The following SLC24A2 variants were observed in gnomAD, a reference collection of about 807,000 sequenced individuals.
The protein encoded by SLC24A2 is sodium/potassium/calcium exchanger 2.
SLC24A2 carries 36 observed loss-of-function variants against 62.0 expected under a neutral mutation model. That is an observed-to-expected ratio of 0.58 (90% CI 0.44 to 0.77). SLC24A2 has a LOEUF of 0.77. Among genes scored for constraint, SLC24A2 ranks in the 30% least tolerant of loss-of-function variants. SLC24A2 has a pLI of 0.00. For missense variants in SLC24A2, 846 were observed against 817.9 expected, an observed-to-expected ratio of 1.03 and a Z score of -0.42; for synonymous variants, 358 against 294.0, an observed-to-expected ratio of 1.22 and a Z score of -2.23.
chr9:20,040,549 G>A, the SLC24A2 span, among the ~76,000 whole-genome samples: 1 of 152,116 alleles, frequency 6.6e-6, no homozygotes, highest in African/African-American at 2.4e-5. Context: ...CCAAATGACC[G>A]AGGCAAAAAT....
At position 19,516,187 on chromosome 9, in the gene SLC24A2, T is replaced by A; in HGVS notation, c.1952A>T (p.Glu651Val). ...GACGGGGCATGTAAGAATTCTGTCTTCTAGGAGAACGCTCACCACCAGGAA... is the reference window on the plus strand; with the variant it reads ...GACGGGGCATGTAAGAATTCTGTCTACTAGGAGAACGCTCACCACCAGGAA... ...FVFLVVSVLL[E>V]DRILTCPVSI Residue 651 changes from glutamate to valine, a missense_variant, in exon 11 of 11, where the codon GAA (glutamate) becomes GTA (valine). Coordinates refer to ENST00000341998, the MANE Select transcript of SLC24A2 (RefSeq NM_020344.4). 2 of 1,614,114 alleles carry A rather than the reference T, an allele frequency of 1.2e-6. No individual in the cohort carries two copies. The highest frequency in any genetic ancestry group is 1.7e-6 in the Non-Finnish European group (2 of 1,180,000).
the SLC24A2 span, among the ~76,000 whole-genome samples, chr9:20,210,558 C>T: frequency 6.6e-6 from 1 of 150,566 alleles, no homozygotes; most frequent in African/African-American, 2.4e-5. Context: ...ACTGCAAGCT[C>T]CGCCTCCCGG....
At chr9:19,789,468 T>C (rs80345559), upstream of SLC24A2, among the ~76,000 whole-genome samples, 6 of 152,358 alleles carry the variant, frequency 3.9e-5, no homozygotes, top group Non-Finnish European at 8.8e-5. Flanking sequence ...GGACAGGCTG[T>C]TGGGGTCCAG....
intron 2 of SLC24A2, among the ~76,000 whole-genome samples, chr9:19,730,868 A>AT: frequency 7.7e-6 from 1 of 129,090 alleles, no homozygotes; most frequent in African/African-American, 3.0e-5. Flanking sequence ...CTTAAATCCT[A>AT]TAACTCTTAG....
the SLC24A2 span, among the ~76,000 whole-genome samples, chr9:20,074,721 AT>A: frequency 6.6e-6 from 1 of 152,224 alleles, no homozygotes; most frequent in South Asian, 2.1e-4. Context: ...ACACAGGTCA[AT>A]ATAGATCAAG....
chr9:19,848,425 TA>T, the SLC24A2 span, among the ~76,000 whole-genome samples: 2 of 152,180 alleles, frequency 1.3e-5, no homozygotes, highest in Non-Finnish European at 2.9e-5. Context: ...TCTTCACTTA[TA>T]AAATAAGCAA....
the SLC24A2 span, among the ~76,000 whole-genome samples, chr9:19,884,910 T>G: frequency 6.6e-6 from 1 of 151,988 alleles, no homozygotes; most frequent in Non-Finnish European, 1.5e-5. Flanking sequence ...TGACTTAGGA[T>G]TTTTTCAACT....
the SLC24A2 span, among the ~76,000 whole-genome samples, chr9:20,055,838 G>A: frequency 2.0e-5 from 3 of 151,990 alleles, no homozygotes; most frequent in African/African-American, 7.2e-5. Flanking sequence ...GCAGTGAGCC[G>A]AGACGGCACC....
chr9:20,061,041 A>G, the SLC24A2 span, among the ~76,000 whole-genome samples: 1 of 152,248 alleles, frequency 6.6e-6, no homozygotes, highest in Admixed American at 6.5e-5. Flanking sequence ...TTAAAAATAC[A>G]TCCATAAATG....
At chr9:19,557,320 T>A (rs553419263) in intron 7 of SLC24A2, among the ~76,000 whole-genome samples, 2 of 152,294 alleles carry the variant, frequency 1.3e-5, no homozygotes, top group African/African-American at 4.8e-5. Flanking sequence ...GTGGGAACAA[T>A]TGTAAGAGGA....
the SLC24A2 span, among the ~76,000 whole-genome samples, chr9:20,169,310 C>G: frequency 6.6e-6 from 1 of 151,954 alleles, no homozygotes; most frequent in Non-Finnish European, 1.5e-5. Flanking sequence ...GCAGCTCCCA[C>G]TCAGATGGAC....
At chr9:19,682,296 G>C (rs17492716) in intron 2 of SLC24A2, among the ~76,000 whole-genome samples, 27,803 of 152,124 alleles carry the variant, frequency 0.18, 2,870 homozygotes, top group Middle Eastern at 0.24. Context: ...TTTTGGTGCT[G>C]ATAGTAGACG....
chr9:19,656,055 C>T (rs1005747890), intron 2 of SLC24A2, among the ~76,000 whole-genome samples: 25 of 152,138 alleles, frequency 1.6e-4, no homozygotes, highest in Admixed American at 1.2e-3. Flanking sequence ...GCAATTATGA[C>T]AAGTGGGCCC....
the SLC24A2 span, among the ~76,000 whole-genome samples, chr9:20,277,548 C>T: frequency 1.3e-5 from 2 of 152,124 alleles, no homozygotes; most frequent in East Asian, 1.9e-4. Flanking sequence ...TACCATCTCA[C>T]ACCAGTTAGA....
chr9:19,756,926 T>TTTTTTTG (rs71335450), intron 2 of SLC24A2, among the ~76,000 whole-genome samples: 7 of 147,180 alleles, frequency 4.8e-5, no homozygotes, highest in South Asian at 2.2e-4. Context: ...TTTTTTTTTT[T>TTTTTTTG]AGAGACAATG....
chr9:19,950,363 C>T, the SLC24A2 span, among the ~76,000 whole-genome samples: 79 of 152,194 alleles, frequency 5.2e-4, 1 homozygote, highest in Non-Finnish European at 6.3e-4. Flanking sequence ...ATAAAGCTGT[C>T]AGACTTACAG....
At chr9:20,296,086 A>G in the SLC24A2 span, among the ~76,000 whole-genome samples, 1 of 152,220 alleles carries the variant, frequency 6.6e-6, no homozygotes, top group Non-Finnish European at 1.5e-5. Context: ...GTGAAAGATA[A>G]AAGTTTAAAA....
At chr9:19,899,623 T>C in the SLC24A2 span, among the ~76,000 whole-genome samples, 1 of 152,198 alleles carries the variant, frequency 6.6e-6, no homozygotes, top group Non-Finnish European at 1.5e-5. Context: ...CATGTAGTAT[T>C]AGTTCATTCT....
the SLC24A2 span, among the ~76,000 whole-genome samples, chr9:19,860,855 T>G: frequency 6.6e-6 from 1 of 152,216 alleles, no homozygotes; most frequent in Non-Finnish European, 1.5e-5. Flanking sequence ...GAGACTTTTC[T>G]GCCTTTGGAA....
Sources: allele counts gnomAD v4.1 joint callset (sites outside exome capture counted in the v4.1 genomes callset), GRCh38; gene constraint gnomAD v4.1.1; transcripts MANE v1.5; gene names NCBI Gene and HGNC (gene_info 2026-07-23, HGNC 2026-07-21).